Variants in DSCAM observed in about 807,000 individuals in gnomAD.
DSCAM encodes the protein DS cell adhesion molecule, also known as cell adhesion molecule DSCAM.
Under a neutral mutation model 217.7 loss-of-function variants are expected in DSCAM, and 47 were observed. The observed-to-expected ratio is 0.22, with a 90% CI of 0.17 to 0.28. The LOEUF (loss-of-function observed/expected upper bound fraction) is 0.28. Among genes scored for constraint, DSCAM ranks in the 10% least tolerant of loss-of-function variants. The pLI is 1.00. For synonymous variants in DSCAM, 1,056 were observed against 1,015.3 expected (o/e 1.04, Z -0.76); for missense variants, 2,080 against 2,618.3 (o/e 0.79, Z 4.49).
intron 3 of DSCAM, among the ~76,000 whole-genome samples, chr21:40,674,565 G>A (rs2090313839): frequency 6.6e-6 from 1 of 151,354 alleles, no homozygotes; most frequent in South Asian, 2.1e-4. Flanking sequence ...CCTCACCCCT[G>A]GCAATGGATT....
intron 11 of DSCAM, among the ~76,000 whole-genome samples, chr21:40,202,001 T>C (rs2091075028): frequency 6.6e-6 from 1 of 152,130 alleles, no homozygotes; most frequent in Non-Finnish European, 1.5e-5. Flanking sequence ...TGAGACCAGA[T>C]TATAAAAGGA....
At chr21:40,021,251 C>T (rs561424714) in intron 32 of DSCAM, among the ~76,000 whole-genome samples, 96 of 149,272 alleles carry the variant, frequency 6.4e-4, no homozygotes, top group African/African-American at 2.3e-3. Context: ...CTACGCAGGT[C>T]GGTAGACAGA....
At chr21:40,063,592 C>A (rs927750088) in intron 27 of DSCAM, among the ~76,000 whole-genome samples, 3 of 151,986 alleles carry the variant, frequency 2.0e-5, no homozygotes, top group Non-Finnish European at 4.4e-5. Flanking sequence ...ATGAATGTTT[C>A]CTTACTTAGA....
intron 8 of DSCAM, among the ~76,000 whole-genome samples, chr21:40,318,973 G>C (rs1479335956): frequency 2.0e-5 from 3 of 152,154 alleles, no homozygotes; most frequent in African/African-American, 7.2e-5. Flanking sequence ...CATTGTCCTT[G>C]CAGTGTGGTG....
At chr21:40,538,991 A>G (rs1216254603) in intron 3 of DSCAM, among the ~76,000 whole-genome samples, 1 of 152,208 alleles carries the variant, frequency 6.6e-6, no homozygotes, top group Non-Finnish European at 1.5e-5. Flanking sequence ...TTAGAGGATG[A>G]AAAGAAACCC....
At chr21:40,142,766 G>A (rs536359655) in intron 17 of DSCAM, 62 bp from the exon 18 acceptor site, 87 of 1,490,032 alleles carry the variant, frequency 5.8e-5, no homozygotes, top group East Asian at 2.6e-4. Flanking sequence ...AGCAATAACC[G>A]AAAAAGCAAC....
At chr21:40,661,330 G>A (rs139418518) in intron 3 of DSCAM, among the ~76,000 whole-genome samples, 1 of 152,296 alleles carries the variant, frequency 6.6e-6, no homozygotes, top group East Asian at 1.9e-4. Context: ...ATGAAATGTG[G>A]CAAAGCATAA....
chr21:40,413,803 CAGAT>C lies in DSCAM; in HGVS notation c.509-44562_509-44559del, dbSNP rs1434189179. Among the ~76,000 whole-genome samples the C allele has an allele frequency of 2.6e-5, 4 of 152,264 alleles. No homozygotes were observed. The East Asian group carries it at 7.7e-4, about 29-fold the overall frequency. Reference sequence around the variant, plus strand: ...ATTAGATTCTGAAAACAGACCCACACAGATAGAGTTAATTGGTTTTCAACAAATG... The same window carrying C: ...ATTAGATTCTGAAAACAGACCCACACAGAGTTAATTGGTTTTCAACAAATG... On this transcript the variant is annotated intron_variant, in intron 3 of 32. Coordinates refer to ENST00000400454, the MANE Select transcript of DSCAM (RefSeq NM_001389.5).
At position 40,692,873 on chromosome 21, in the gene DSCAM, A is replaced by T. The variant is rs775339460; in HGVS notation, c.445T>A (p.Ser149Thr). 4.3e-6 allele frequency: 7 copies of T among 1,613,728 alleles called. No homozygotes were observed. In the East Asian group the frequency reaches 1.6e-4, roughly 36 times the overall value. The change falls in exon 3 of 33, where the codon TCC (serine) becomes ACC (threonine). Residue 149 changes from serine (S) to threonine (T), a missense_variant. By Grantham distance (58) the Ser-to-Thr change is moderately conservative. This residue lies in a region of DSCAM where 568 missense variants were observed against 678.1 expected (regional missense o/e 0.84). Transcript: ENST00000400454. ...ACAGTGATGTACGCCTCCACCGAGGAGGGGATAATGCACTTGAAGACCGCA... is the reference window on the plus strand; with the variant it reads ...ACAGTGATGTACGCCTCCACCGAGGTGGGGATAATGCACTTGAAGACCGCA... ...NVAVFKCIIP[S>T]SVEAYITVVS...
intron 1 of DSCAM, among the ~76,000 whole-genome samples, chr21:40,838,169 A>G (rs1178802262): frequency 1.3e-5 from 2 of 152,242 alleles, no homozygotes; most frequent in African/African-American, 4.8e-5. Context: ...AGTTCTAATT[A>G]TCTTTCTACT....
chr21:40,677,457 T>C (rs964151340), intron 3 of DSCAM, among the ~76,000 whole-genome samples: 1 of 152,140 alleles, frequency 6.6e-6, no homozygotes, highest in African/African-American at 2.4e-5. Context: ...AAAAAAGGCC[T>C]GGACTGTTGC....
intron 3 of DSCAM, among the ~76,000 whole-genome samples, chr21:40,633,686 T>A (rs1290624417): frequency 6.6e-6 from 1 of 152,170 alleles, no homozygotes; most frequent in Admixed American, 6.5e-5. Flanking sequence ...GAGAATAAGA[T>A]GGCTGCTCAG....
intron 3 of DSCAM, among the ~76,000 whole-genome samples, chr21:40,650,836 C>T (rs2090004632): frequency 6.6e-6 from 1 of 152,142 alleles, no homozygotes; most frequent in Non-Finnish European, 1.5e-5. Flanking sequence ...ATTGGTTGAA[C>T]CTGGGAGGCG....
At chr21:40,802,924 T>C (rs1315785162) in intron 1 of DSCAM, among the ~76,000 whole-genome samples, 1 of 152,192 alleles carries the variant, frequency 6.6e-6, no homozygotes, top group South Asian at 2.1e-4. Flanking sequence ...CCTGGGGAAG[T>C]GACAGCATTA....
At chr21:40,098,882 C>T (rs2089716064) in intron 20 of DSCAM, among the ~76,000 whole-genome samples, 1 of 152,142 alleles carries the variant, frequency 6.6e-6, no homozygotes, top group Admixed American at 6.5e-5. Context: ...CACCCCCCTC[C>T]CACTACAACA....
chr21:40,312,156 G>A lies in DSCAM; in HGVS notation c.1987C>T (p.His663Tyr). ...SLRISNLSLM[H>Y]NGNYTCIARN... is the part of the protein sequence containing the mutation. ...GCTATGCAGGTGTAATTCCCATTGTGCATGAGCGAGAGATTGGAAATCCTC... is the reference window on the plus strand; with the variant it reads ...GCTATGCAGGTGTAATTCCCATTGTACATGAGCGAGAGATTGGAAATCCTC... Residue 663 changes from histidine to tyrosine, a missense_variant, in exon 9 of 33, where the codon CAC becomes TAC. His to Tyr is a moderately conservative substitution (Grantham distance 83). This residue lies in a region of DSCAM where 218 missense variants were observed against 364.1 expected (regional missense o/e 0.60). Coordinates refer to ENST00000400454, the MANE Select transcript of DSCAM (RefSeq NM_001389.5). 3.1e-6 allele frequency: 5 copies of A among 1,613,984 alleles called. No individual in the cohort carries two copies. The highest frequency in any genetic ancestry group is 4.2e-6 in the Non-Finnish European group (5 of 1,179,986).
chr21:40,549,906 A>G (rs60355007), intron 3 of DSCAM, among the ~76,000 whole-genome samples: 2,085 of 152,314 alleles, frequency 0.014, 50 homozygotes, highest in African/African-American at 0.047. Context: ...AGGTTGCTGT[A>G]TCCTTTACAC....
intron 3 of DSCAM, among the ~76,000 whole-genome samples, chr21:40,605,423 T>C (rs921950276): frequency 1.3e-5 from 2 of 152,204 alleles, no homozygotes; most frequent in Admixed American, 6.5e-5. Context: ...TTCCAAGCTC[T>C]CTGGGTGCCC....
chr21:40,790,170 TTCTTTC>T (rs1398652929), intron 1 of DSCAM, among the ~76,000 whole-genome samples: 8 of 145,446 alleles, frequency 5.5e-5, no homozygotes, highest in African/African-American at 1.6e-4. Flanking sequence ...GCAAACGTTT[TTCTTTC>T]TTTCTTTTTT....
Sources: gnomAD v4.1 joint callset for allele counts (sites outside exome capture counted in the v4.1 genomes callset) on GRCh38, gnomAD v4.1.1 for gene constraint, gnomAD v4.1.1 regional missense constraint, MANE v1.5 for transcripts, NCBI Gene and HGNC (gene_info 2026-07-23, HGNC 2026-07-21) for gene names.